Variants in CEP85L observed in about 807,000 individuals in gnomAD.
CEP85L encodes the protein centrosomal protein 85L.
A neutral mutation model predicts 100.3 loss-of-function variants in CEP85L; 60 were observed. That is an observed-to-expected ratio of 0.60 (90% CI 0.49 to 0.74). The LOEUF is 0.74. Among genes scored for constraint, CEP85L ranks in the 30% least tolerant of loss-of-function variants. CEP85L has a pLI of 0.00. For missense variants in CEP85L, 973 were observed against 936.2 expected, an observed-to-expected ratio of 1.04 and a Z score of -0.51; for synonymous variants, 319 against 322.7, an observed-to-expected ratio of 0.99 and a Z score of 0.12.
chr6:118,671,507 T>G (rs894869894), intron 1 of CEP85L, among the ~76,000 whole-genome samples: 1 of 152,230 alleles, frequency 6.6e-6, no homozygotes, highest in African/African-American at 2.4e-5. Flanking sequence ...TAAAATTTTA[T>G]CAGTGACCCC....
intron 3 of CEP85L, among the ~76,000 whole-genome samples, chr6:118,561,269 G>T (rs2114979500): frequency 6.6e-6 from 1 of 152,210 alleles, no homozygotes; most frequent in East Asian, 1.9e-4. Context: ...AATACAGAAA[G>T]TATCCCTAGT....
intron 2 of CEP85L, among the ~76,000 whole-genome samples, chr6:118,571,674 TA>T (rs1360801201): frequency 6.6e-6 from 1 of 152,146 alleles, no homozygotes; most frequent in Non-Finnish European, 1.5e-5. Context: ...CCTCCAGATC[TA>T]CATTAAAGAA....
intron 2 of CEP85L, among the ~76,000 whole-genome samples, chr6:118,610,855 AAAG>A (rs1389422230): frequency 1.4e-4 from 21 of 152,244 alleles, no homozygotes; most frequent in African/African-American, 9.6e-5. Context: ...TGGCAGCCAG[AAAG>A]AAGAAGAAAA....
intron 5 of CEP85L, chr6:118,501,733 G>A: frequency 1.3e-6 from 1 of 786,682 alleles, no homozygotes; most frequent in South Asian, 1.4e-5. Flanking sequence ...CAGACTTCAT[G>A]GCTAACTTGA....
At chr6:118,506,301 A>G (rs1775653179) in intron 5 of CEP85L, among the ~76,000 whole-genome samples, 1 of 152,180 alleles carries the variant, frequency 6.6e-6, no homozygotes, top group Non-Finnish European at 1.5e-5. Flanking sequence ...ACACAGTCAA[A>G]ATGCTGGCGG....
At chr6:118,662,545 A>T (rs1583238028) in intron 1 of CEP85L, among the ~76,000 whole-genome samples, 1 of 152,204 alleles carries the variant, frequency 6.6e-6, no homozygotes, top group African/African-American at 2.4e-5. Context: ...GAAAAAAAAA[A>T]AAAAGAATAG....
intron 1 of CEP85L, among the ~76,000 whole-genome samples, chr6:118,707,949 T>A (rs1329004012): frequency 1.7e-5 from 2 of 114,846 alleles, no homozygotes; most frequent in Admixed American, 1.4e-4. Context: ...GGTAGAAATA[T>A]GGGAGAAAGA....
chr6:118,695,395 G>T lies in CEP85L; in HGVS notation c.-28+14641C>A, dbSNP rs1777172604. Among the ~76,000 whole-genome samples the T allele has an allele frequency of 3.3e-5, 5 of 152,152 alleles. No individual in the cohort carries two copies. The South Asian group carries it at 1.0e-3, about 32-fold the overall frequency. Reference sequence around the variant, plus strand: ...GTGTATTGTGGCTATGAGGGAAAAAGAGCAACATTTTTTGGTTGATATTTC... The same window carrying T: ...GTGTATTGTGGCTATGAGGGAAAAATAGCAACATTTTTTGGTTGATATTTC... On this transcript the variant is annotated intron_variant, in intron 1 of 13. Coordinates refer to the CEP85L transcript ENST00000368488.
At chr6:118,545,843 G>A (rs9489433) in intron 3 of CEP85L, among the ~76,000 whole-genome samples, 25,088 of 152,102 alleles carry the variant, frequency 0.16, 2,206 homozygotes, top group Non-Finnish European at 0.19. Context: ...CAGGATCTCT[G>A]ATAATCACTA....
chr6:118,651,708 G>C, upstream of CEP85L: 4 of 312,966 alleles, frequency 1.3e-5, no homozygotes, highest in Non-Finnish European at 1.7e-5. Context: ...GGGGGGCGGG[G>C]ACTGCGGGGG....
At chr6:118,672,627 A>G (rs1051373931) in intron 1 of CEP85L, among the ~76,000 whole-genome samples, 1 of 152,080 alleles carries the variant, frequency 6.6e-6, no homozygotes, top group Non-Finnish European at 1.5e-5. Flanking sequence ...TTAGCTGGGC[A>G]TGGTGGCACA....
intron 1 of CEP85L, among the ~76,000 whole-genome samples, chr6:118,641,822 G>C (rs1426804209): frequency 1.1e-5 from 1 of 88,694 alleles, no homozygotes; most frequent in Non-Finnish European, 2.7e-5. Flanking sequence ...CATTCCTTTT[G>C]CAAGAGAAAA....
At chr6:118,503,995 A>G (rs1437740833) in intron 5 of CEP85L, among the ~76,000 whole-genome samples, 1 of 152,186 alleles carries the variant, frequency 6.6e-6, no homozygotes, top group East Asian at 1.9e-4. Flanking sequence ...AGAATGAGAA[A>G]ACAAGCCACA....
Position 118,470,537 on chromosome 6 carries a change from T to C in CEP85L, c.2022A>G (p.Glu674=). The C allele has an allele frequency of 6.4e-7, 1 of 1,572,054 alleles. No homozygotes were observed. The highest frequency in any genetic ancestry group is 1.4e-5 in the African/African-American group (1 of 73,036). ...NVQRLTKALL[E]NQRQTDETCS... is the part of the protein sequence containing the mutation. Reference sequence around the variant, plus strand: ...GCAAAATTGAATTTCTTCTACTCACTTCAAGCAATGCTTTTGTTAATCTCT... The same window carrying C: ...GCAAAATTGAATTTCTTCTACTCACCTCAAGCAATGCTTTTGTTAATCTCT... Residue 674 remains glutamate (E), a splice_region_variant and synonymous_variant, in exon 11 of 13, where the codon GAA becomes GAG. Transcript: ENST00000368491.
intron 5 of CEP85L, chr6:118,503,000 C>A (rs1377368400): frequency 1.6e-5 from 4 of 247,210 alleles, no homozygotes; most frequent in Non-Finnish European, 2.4e-5. Context: ...AACGCTTTCA[C>A]AAGATATCAA....
intron 3 of CEP85L, among the ~76,000 whole-genome samples, chr6:118,543,915 C>T (rs1288978910): frequency 2.0e-5 from 3 of 152,122 alleles, no homozygotes; most frequent in African/African-American, 4.8e-5. Flanking sequence ...AGTTAATAAA[C>T]GTCTATGAAA....
intron 3 of CEP85L, among the ~76,000 whole-genome samples, chr6:118,561,249 G>C (rs1779206600): frequency 6.6e-6 from 1 of 152,154 alleles, no homozygotes; most frequent in Admixed American, 6.5e-5. Flanking sequence ...ACTGGTTTTA[G>C]TAAATTACCA....
At chr6:118,499,173 T>C (rs1775113228) in intron 5 of CEP85L, among the ~76,000 whole-genome samples, 2 of 152,106 alleles carry the variant, frequency 1.3e-5, no homozygotes, top group South Asian at 4.1e-4. Context: ...AAATAAATCA[T>C]CTAAGCCTCC....
rs560483942 is a variant in CEP85L at position 118,479,612 on chromosome 6, T to C, written c.1914+259A>G. Reference sequence around the variant, plus strand: ...CACCTGGTATTCATTATATTGGTTTTGTATTCTCTCCAACTCACCCCACTA... The same window carrying C: ...CACCTGGTATTCATTATATTGGTTTCGTATTCTCTCCAACTCACCCCACTA... On this transcript the variant is annotated intron_variant, in intron 10 of 12. Transcript: ENST00000368491. Among the ~76,000 whole-genome samples, 7 of 152,284 alleles carry C rather than the reference T, an allele frequency of 4.6e-5. No homozygotes were observed. The East Asian group carries it at 7.7e-4, about 17-fold the overall frequency.
Sources: allele counts gnomAD v4.1 joint callset (sites outside exome capture counted in the v4.1 genomes callset), GRCh38; gene constraint gnomAD v4.1.1; transcripts MANE v1.5; gene names NCBI Gene and HGNC (gene_info 2026-07-23, HGNC 2026-07-21).